Variants in LPA observed in about 807,000 individuals in gnomAD.
LPA encodes the protein lipoprotein(a).
Under a neutral mutation model 197.9 loss-of-function variants are expected in LPA, and 199 were observed. The ratio of observed to expected loss-of-function variants is 1.01; its 90% CI spans 0.90 to 1.13. The LOEUF is 1.13. Among genes scored for constraint, LPA ranks in the 50% most tolerant of loss-of-function variants. LPA has a pLI of 0.00. For synonymous variants in LPA, 715 were observed against 639.5 expected (o/e 1.12, Z -1.78); for missense variants, 1,853 against 1,785.8 (o/e 1.04, Z -0.68).
At position 160,578,611 on chromosome 6, in the gene LPA, G is replaced by T. The variant is rs755991783; in HGVS notation, c.4383C>A (p.Asn1461Lys). The T allele has an allele frequency of 1.6e-5, 26 of 1,614,044 alleles. No homozygotes were observed. Among genetic ancestry groups the T allele is most frequent in the Non-Finnish European group, 2.2e-5 (26 of 1,179,938 alleles). ...MDPSVRWEYCNLTRCPVTESS... is the reference protein window; with the variant it reads ...MDPSVRWEYCKLTRCPVTESS... ...ATTCTGTCACTGGACATCGTGTCAG[G>T]TTGCAGTACTCCCACCTGACACTGG... Residue 1461 changes from asparagine (N) to lysine (K), a missense_variant, in exon 27 of 39, where the codon AAC (asparagine) becomes AAA (lysine). By Grantham distance (94) the Asn-to-Lys change is moderately conservative. This residue lies in a region of LPA where 1,737 missense variants were observed against 1,504.4 expected (regional missense o/e 1.15). Transcript: ENST00000316300.
chr6:160,659,267 T>C (rs544177085), intron 1 of LPA, among the ~76,000 whole-genome samples: 191 of 152,254 alleles, frequency 1.3e-3, no homozygotes, highest in Non-Finnish European at 2.2e-3. Context: ...ACTGGCCTCT[T>C]TTCCATAGGG....
intron 28 of LPA, among the ~76,000 whole-genome samples, chr6:160,576,384 A>ATGTATG (rs1562327960): frequency 1.4e-5 from 1 of 73,034 alleles, no homozygotes; most frequent in Non-Finnish European, 2.4e-5. Context: ...ATATATATAT[A>ATGTATG]TATATGTATA....
chr6:160,576,684 G>GTATA (rs1277269915), intron 28 of LPA, among the ~76,000 whole-genome samples: 1 of 92,642 alleles, frequency 1.1e-5, no homozygotes, highest in African/African-American at 4.6e-5. Context: ...GTGTGTGTGT[G>GTATA]TGTGTGTATA....
At chr6:160,646,839 G>A (rs1779889713) in intron 2 of LPA, among the ~76,000 whole-genome samples, 1 of 150,302 alleles carries the variant, frequency 6.7e-6, no homozygotes, top group Admixed American at 6.6e-5. Flanking sequence ...ATTCTAATGT[G>A]GGAGTTGCAA....
intron 23 of LPA, among the ~76,000 whole-genome samples, chr6:160,590,634 A>G (rs749768989): frequency 2.6e-5 from 4 of 152,186 alleles, no homozygotes; most frequent in Non-Finnish European, 5.9e-5. Flanking sequence ...ATCATCACAA[A>G]TTTGGCAGGA....
intron 27 of LPA, 102 bp downstream of exon 27, chr6:160,578,421 C>A (rs749418158): frequency 6.2e-6 from 9 of 1,460,874 alleles, no homozygotes; most frequent in South Asian, 3.4e-5. Flanking sequence ...CATTGCAGAC[C>A]CTCAACCAAC....
At chr6:160,650,710 T>A (rs889446881) in intron 1 of LPA, among the ~76,000 whole-genome samples, 9 of 152,166 alleles carry the variant, frequency 5.9e-5, no homozygotes, top group African/African-American at 2.2e-4. Context: ...ATTTAAAAGT[T>A]TAGAGGAAGT....
chr6:160,555,717 T>C (rs1195390582), intron 30 of LPA, among the ~76,000 whole-genome samples: 4 of 151,924 alleles, frequency 2.6e-5, no homozygotes, highest in Non-Finnish European at 5.9e-5. Context: ...AAGAGTGCAT[T>C]GATCTTTTAT....
At chr6:160,550,576 G>T (rs1778152269) in intron 30 of LPA, among the ~76,000 whole-genome samples, 1 of 152,180 alleles carries the variant, frequency 6.6e-6, no homozygotes, top group African/African-American at 2.4e-5. Flanking sequence ...CTTAGATGTA[G>T]TTTGATGACT....
intron 1 of LPA, among the ~76,000 whole-genome samples, chr6:160,663,699 A>G (rs1053849599): frequency 1.3e-5 from 2 of 152,260 alleles, no homozygotes; most frequent in Non-Finnish European, 2.9e-5. Context: ...AGGCCATAAC[A>G]AAGAGAGAAA....
chr6:160,658,276 T>C (rs951049851), intron 1 of LPA, among the ~76,000 whole-genome samples: 3 of 152,142 alleles, frequency 2.0e-5, no homozygotes, highest in Non-Finnish European at 2.9e-5. Context: ...TTTTTTCCAG[T>C]CAATGCCCTC....
At chr6:160,573,375 C>A (rs1360826915) in intron 28 of LPA, among the ~76,000 whole-genome samples, 1 of 150,552 alleles carries the variant, frequency 6.6e-6, no homozygotes, top group African/African-American at 2.4e-5. Flanking sequence ...TTGCATTGGG[C>A]TTTGCCTTTC....
Position 160,539,015 on chromosome 6 carries a change from C to A in LPA, c.5735+1028G>T, listed in dbSNP as rs1204042759. 1.3e-5 allele frequency among the ~76,000 whole-genome samples: 2 copies of A among 152,170 alleles called. 1 individual carries two copies. Among genetic ancestry groups the A allele is most frequent in the Non-Finnish European group, 2.9e-5 (2 of 68,038 alleles). ...CAGCTACTGTTTATAAAGGCTGAGC[C>A]AGAAAGGCCCTTCTCTCCTTCCTAG... On this transcript the variant is annotated intron_variant, in intron 36 of 38. Transcript: ENST00000316300.
In LPA at chr6:160,654,050, A is replaced by ATATT. The variant is rs1562354958; in HGVS notation, c.50-3554_50-3553insAATA. On this transcript the variant is annotated intron_variant, in intron 1 of 38. Transcript: ENST00000316300. ...ATAATATATATTATATATAATATAT[A>ATATT]ATATATTATATATATTATATATAAT... Among the ~76,000 whole-genome samples, 20 of 8,362 alleles carry ATATT rather than the reference A, an allele frequency of 2.4e-3. 1 individual carries two copies. The highest frequency in any genetic ancestry group is 8.2e-3 in the African/African-American group (18 of 2,184). The allele number at this position is 8,362 out of a possible 152,430, so 5.5% of individuals were successfully genotyped here. A position where few individuals can be genotyped will look rare whatever the true frequency, so the allele number is the denominator to read the frequency against.
At chr6:160,576,037 G>T (rs1053563022) in intron 28 of LPA, among the ~76,000 whole-genome samples, 1 of 151,944 alleles carries the variant, frequency 6.6e-6, no homozygotes, top group Admixed American at 6.6e-5. Context: ...GCACACTTAT[G>T]GGGTTGATCA....
intron 26 of LPA, among the ~76,000 whole-genome samples, chr6:160,579,389 G>A (rs1028838958): frequency 6.6e-6 from 1 of 152,140 alleles, no homozygotes; most frequent in African/African-American, 2.4e-5. Context: ...CTCTAGGATG[G>A]GTTCATGGGC....
intron 23 of LPA, among the ~76,000 whole-genome samples, 168 bp from the exon 24 acceptor site, chr6:160,589,880 G>T (rs749852102): frequency 6.6e-6 from 1 of 152,240 alleles, no homozygotes; most frequent in Non-Finnish European, 1.5e-5. Flanking sequence ...AAGATTCATA[G>T]CATTCTGGAA....
At chr6:160,578,963 T>A (rs1049296855) in intron 26 of LPA, among the ~76,000 whole-genome samples, 6 of 152,198 alleles carry the variant, frequency 3.9e-5, no homozygotes, top group African/African-American at 1.4e-4. Flanking sequence ...ATAATACATG[T>A]CTGTACAAGA....
intron 28 of LPA, among the ~76,000 whole-genome samples, chr6:160,558,533 C>T (rs1010861839): frequency 6.6e-6 from 1 of 152,140 alleles, no homozygotes; most frequent in African/African-American, 2.4e-5. Context: ...GACAGGATGC[C>T]ATTTCTCTAG....
Sources: gnomAD v4.1 joint callset for allele counts (sites outside exome capture counted in the v4.1 genomes callset) on GRCh38, gnomAD v4.1.1 for gene constraint, gnomAD v4.1.1 regional missense constraint, MANE v1.5 for transcripts, NCBI Gene and HGNC (gene_info 2026-07-23, HGNC 2026-07-21) for gene names.